The following SNAP29 variants were observed in gnomAD, a reference collection of about 807,000 sequenced individuals.
SNAP29 encodes synaptosome associated protein 29, also known as synaptosomal-associated protein 29.
In SNAP29, 13 loss-of-function variants were observed where a neutral mutation model predicts 27.9. That is an observed-to-expected ratio of 0.47 (90% CI 0.30 to 0.74). The LOEUF (loss-of-function observed/expected upper bound fraction) is 0.74. Ranked by LOEUF, SNAP29 falls within the 30% of genes least tolerant of loss-of-function variation. SNAP29 has a pLI of 0.06. For missense variants in SNAP29, 368 were observed against 336.5 expected (o/e 1.09, Z -0.73); for synonymous variants, 119 against 127.1 (o/e 0.94, Z 0.43).
rs1301019884 is a variant in SNAP29, at chr22:20,883,522, A to C, written c.572A>C (p.Lys191Thr). 3.1e-6 allele frequency: 5 copies of C among 1,613,830 alleles called. No individual in the cohort carries two copies. Among genetic ancestry groups the C allele is most frequent in the Non-Finnish European group, 4.2e-6 (5 of 1,179,794 alleles). The change falls in exon 4 of 5, where the codon AAG becomes ACG. Residue 191 changes from lysine (K) to threonine (T), a missense_variant. Transcript: ENST00000215730. ...GSAMSTDAYP[K>T]NPHLRAYHQK... ...GCCATGAGTACTGATGCTTACCCAAAGAACCCACACCTTCGAGCCTATCAC... is the reference window on the plus strand; with the variant it reads ...GCCATGAGTACTGATGCTTACCCAACGAACCCACACCTTCGAGCCTATCAC...
intron 1 of SNAP29, among the ~76,000 whole-genome samples, chr22:20,866,881 CAAAG>C (rs1450886463): frequency 7.2e-5 from 11 of 152,188 alleles, no homozygotes; most frequent in Non-Finnish European, 1.2e-4. Flanking sequence ...TTAAGCTAAA[CAAAG>C]AGTCTGCAGG....
chr22:20,867,869 G>A (rs550990397), intron 1 of SNAP29, among the ~76,000 whole-genome samples: 1 of 152,320 alleles, frequency 6.6e-6, no homozygotes, highest in East Asian at 1.9e-4. Context: ...GGGAGGGTGA[G>A]TGGTCGTGGG....
In SNAP29 at chr22:20,881,137, A is replaced by G. The variant is rs956409946; in HGVS notation, c.520+3A>G. The stretch of plus-strand genomic sequence containing the variant: ...CCTTAGAAAGCTGGATGATACAGGT[A>G]AGTGGATACCTGTGTGCACAGCCAC... On this transcript the variant is annotated splice_donor_region_variant and intron_variant, in intron 3 of 4. Coordinates refer to ENST00000215730, the MANE Select transcript of SNAP29 (RefSeq NM_004782.4). The G allele has an allele frequency of 4.4e-6, 7 of 1,595,854 alleles. No homozygotes were observed. In the East Asian group the frequency reaches 1.6e-4, roughly 36 times the overall value.
chr22:20,874,177 A>AGGCGG (rs1569117853), intron 2 of SNAP29, among the ~76,000 whole-genome samples: 13 of 147,596 alleles, frequency 8.8e-5, no homozygotes, highest in Admixed American at 1.4e-4. Context: ...CGGGAGGGTG[A>AGGCGG]GAAATGTGTA....
intron 1 of SNAP29, among the ~76,000 whole-genome samples, chr22:20,861,631 T>C (rs576392815): frequency 1.6e-4 from 25 of 152,012 alleles, no homozygotes; most frequent in African/African-American, 5.5e-4. Context: ...TTTGTTTTTG[T>C]TTTTTTGGTG....
intron 1 of SNAP29, among the ~76,000 whole-genome samples, chr22:20,861,233 T>C (rs1928311516): frequency 6.8e-6 from 1 of 146,934 alleles, no homozygotes; most frequent in Admixed American, 6.9e-5. Flanking sequence ...TTCTCCTGCC[T>C]CAGCCTCCTG....
rs1189704840 is a variant in SNAP29, at chr22:20,888,355, A to ACT, written c.*524_*525dup. The ACT allele has an allele frequency of 3.6e-4, 20 of 54,810 alleles. No homozygotes were observed. Among genetic ancestry groups the ACT allele is most frequent in the Middle Eastern group, 7.8e-3 (1 of 128 alleles). 3.4% of individuals were successfully genotyped at this position (54,810 alleles called of 1,614,324 possible). A position where few individuals can be genotyped will look rare whatever the true frequency, so the allele number is the denominator to read the frequency against. On this transcript the variant is annotated 3_prime_UTR_variant, in exon 5 of 5. Coordinates refer to ENST00000215730, the MANE Select transcript of SNAP29 (RefSeq NM_004782.4). The stretch of plus-strand genomic sequence containing the variant: ...CACACACACACACACACACACACAC[A>ACT]CTCTCTGAGCACATTATCTGTGATT...
intron 1 of SNAP29, among the ~76,000 whole-genome samples, chr22:20,863,042 C>T (rs964531572): frequency 6.6e-6 from 1 of 152,176 alleles, no homozygotes; most frequent in Non-Finnish European, 1.5e-5. Context: ...TGCACGCCAC[C>T]ACACTCGACT....
At chr22:20,878,701 A>T (rs1403851117) in intron 2 of SNAP29, among the ~76,000 whole-genome samples, 1 of 152,144 alleles carries the variant, frequency 6.6e-6, no homozygotes, top group Non-Finnish European at 1.5e-5. Flanking sequence ...GAGGGCAAAA[A>T]TTGCGAGTAA....
chr22:20,859,010 C>T lies in SNAP29; in HGVS notation c.-101C>T. ...CTGCGCGCGACGCGCGGAAGGAGTT[C>T]GCGCGACGACCGCGGGGTCGGCGGG... On this transcript the variant is annotated 5_prime_UTR_variant, in exon 1 of 5. Coordinates refer to ENST00000215730, the MANE Select transcript of SNAP29 (RefSeq NM_004782.4). 1 of 1,359,144 alleles carries T rather than the reference C, an allele frequency of 7.4e-7. No homozygotes were observed. 84.2% of individuals were successfully genotyped at this position (1,359,144 alleles called of 1,614,324 possible).
Position 20,889,563 on chromosome 22 carries a change from C to T in SNAP29, c.*1727C>T, listed in dbSNP as rs184756058. 6.6e-6 allele frequency: 1 copy of T among 152,188 alleles called. No individual in the cohort carries two copies. The highest frequency in any genetic ancestry group is 1.5e-5 in the Non-Finnish European group (1 of 68,038). The allele number at this position is 152,188 out of a possible 1,614,324, so 9.4% of individuals were successfully genotyped here. The stretch of plus-strand genomic sequence containing the variant: ...TAGAAGGGAAATTTTAAACATAACA[C>T]TCAACCCAAACAAAACTACTTCGTG... On this transcript the variant is annotated 3_prime_UTR_variant, in exon 5 of 5. Coordinates refer to ENST00000215730, the MANE Select transcript of SNAP29 (RefSeq NM_004782.4).
At chr22:20,886,702 C>T (rs958855761) in intron 4 of SNAP29, among the ~76,000 whole-genome samples, 1 of 150,024 alleles carries the variant, frequency 6.7e-6, no homozygotes, top group African/African-American at 2.5e-5. Flanking sequence ...ACCTCCTCCT[C>T]TCAGGTTCAA....
chr22:20,873,569 GC>G (rs1928647814), intron 2 of SNAP29, among the ~76,000 whole-genome samples: 3 of 152,324 alleles, frequency 2.0e-5, no homozygotes, highest in Admixed American at 2.0e-4. Context: ...AGAGGTTCAG[GC>G]ATGGTGGCTC....
intron 1 of SNAP29, among the ~76,000 whole-genome samples, chr22:20,868,054 G>A (rs1928501099): frequency 2.0e-5 from 3 of 152,196 alleles, no homozygotes; most frequent in Non-Finnish European, 4.4e-5. Context: ...GAACTGGACT[G>A]TCAGAAAAAC....
rs1043069279 is a variant in SNAP29, at chr22:20,889,546, A to G, written c.*1710A>G. Reference sequence around the variant, plus strand: ...ATTTTCTCAATAACTGGTAGAAGGGAAATTTTAAACATAACACTCAACCCA... The same window carrying G: ...ATTTTCTCAATAACTGGTAGAAGGGGAATTTTAAACATAACACTCAACCCA... On this transcript the variant is annotated 3_prime_UTR_variant, in exon 5 of 5. Coordinates refer to ENST00000215730, the MANE Select transcript of SNAP29 (RefSeq NM_004782.4). 2.6e-5 allele frequency: 4 copies of G among 152,220 alleles called. No homozygotes were observed. Among genetic ancestry groups the G allele is most frequent in the South Asian group, 2.1e-4 (1 of 4,836 alleles). 9.4% of individuals were successfully genotyped at this position (152,220 alleles called of 1,614,324 possible). A position where few individuals can be genotyped will look rare whatever the true frequency, so the allele number is the denominator to read the frequency against.
intron 4 of SNAP29, among the ~76,000 whole-genome samples, chr22:20,886,110 A>AACC (rs144704533): frequency 1.4e-5 from 2 of 144,666 alleles, no homozygotes; most frequent in Admixed American, 6.9e-5. Context: ...CTGAAGACTT[A>AACC]TCTTTTTTTT....
chr22:20,874,305 CAG>C (rs1928675313), intron 2 of SNAP29, among the ~76,000 whole-genome samples: 1 of 134,356 alleles, frequency 7.4e-6, no homozygotes, highest in African/African-American at 3.0e-5. Context: ...CTGACACACA[CAG>C]ACACACACAG....
At chr22:20,876,402 C>T (rs1368610931) in intron 2 of SNAP29, among the ~76,000 whole-genome samples, 1 of 150,846 alleles carries the variant, frequency 6.6e-6, no homozygotes, top group African/African-American at 2.4e-5. Context: ...GGACTACATG[C>T]ATGGGCCACC....
intron 1 of SNAP29, among the ~76,000 whole-genome samples, chr22:20,869,663 G>T (rs147811635): frequency 6.6e-6 from 1 of 152,312 alleles, no homozygotes; most frequent in African/African-American, 2.4e-5. Context: ...AGTCCAGGGG[G>T]CAGTGCCAGG....
Sources: gnomAD v4.1 joint callset for allele counts (sites outside exome capture counted in the v4.1 genomes callset) on GRCh38, gnomAD v4.1.1 for gene constraint, MANE v1.5 for transcripts, NCBI Gene and HGNC (gene_info 2026-07-23, HGNC 2026-07-21) for gene names.